Variants in RGCC observed in about 807,000 individuals in gnomAD.
RGCC encodes the protein regulator of cell cycle RGCC.
A neutral mutation model predicts 15.4 loss-of-function variants in RGCC; 15 were observed. The ratio of observed to expected loss-of-function variants is 0.97; its 90% confidence interval spans 0.65 to 1.50. RGCC has a LOEUF of 1.50. Among genes scored for constraint, RGCC ranks in the 40% most tolerant of loss-of-function variants. RGCC has a pLI of 0.00. For missense variants in RGCC, 176 were observed against 189.7 expected (o/e 0.93, Z 0.42); for synonymous variants, 81 against 78.0 (o/e 1.04, Z -0.20).
At position 41,457,876 on chromosome 13, in the gene RGCC, T is replaced by C; in HGVS notation, c.49+120T>C. On this transcript the variant is annotated intron_variant, in intron 1 of 4. Coordinates refer to ENST00000379359, the MANE Select transcript of RGCC (RefSeq NM_014059.3). The surrounding 1 kb of genome is among the most constrained non-coding windows in gnomAD (Gnocchi z 4.9). The stretch of plus-strand genomic sequence containing the variant: ...CCTTCCATCCTCCCCGGCGGGAACC[T>C]GTCCCCGGTCTTCCCGCGCGGGCGG... 1 of 1,307,038 alleles carries C rather than the reference T, an allele frequency of 7.7e-7. No homozygotes were observed. The highest frequency in any genetic ancestry group is 9.8e-7 in the Non-Finnish European group (1 of 1,016,802). 81.0% of individuals were successfully genotyped at this position (1,307,038 alleles called of 1,614,324 possible). A position where few individuals can be genotyped will look rare whatever the true frequency, so the allele number is the denominator to read the frequency against.
rs140678229 is a variant in RGCC, at chr13:41,464,612, G to A, written c.236-2211G>A. On this transcript the variant is annotated intron_variant, in intron 2 of 4. Transcript: ENST00000379359. ...GAAATGGGGCTGGTTTTGTTTAACCGCAAGTCTTTTCAGGATGTTGGAAGT... is the reference window on the plus strand; with the variant it reads ...GAAATGGGGCTGGTTTTGTTTAACCACAAGTCTTTTCAGGATGTTGGAAGT... Among the ~76,000 whole-genome samples the A allele has an allele frequency of 9.3e-3, 1,415 of 152,276 alleles. 14 individuals are homozygous for A. The highest frequency in any genetic ancestry group is 0.027 in the Middle Eastern group (8 of 294).
At chr13:41,461,857 A>G (rs1399380305) in intron 2 of RGCC, among the ~76,000 whole-genome samples, 1 of 152,248 alleles carries the variant, frequency 6.6e-6, no homozygotes, top group Non-Finnish European at 1.5e-5. Context: ...TGTTCAAGCC[A>G]TGAGAGAATA....
chr13:41,457,749 G>A lies in RGCC; in HGVS notation c.42G>A (p.Ala14=). 1 of 1,396,276 alleles carries A rather than the reference G, an allele frequency of 7.2e-7. No individual in the cohort carries two copies. Among genetic ancestry groups the A allele is most frequent in the Non-Finnish European group, 9.3e-7 (1 of 1,079,994 alleles). The allele number at this position is 1,396,276 out of a possible 1,614,324, so 86.5% of individuals were successfully genotyped here. A position where few individuals can be genotyped will look rare whatever the true frequency, so the allele number is the denominator to read the frequency against. The change falls in exon 1 of 5, where the codon GCG becomes GCA. Residue 14 remains alanine, a synonymous_variant. Transcript: ENST00000379359. This position sits in a 1 kb window ranked among gnomAD's most constrained non-coding sequence, Gnocchi z 4.9. The part of the protein sequence containing the change: ...PAAQGSPAAA[A]AAAPALDSAA... ...CGCAGGGCAGCCCCGCGGCCGCCGCGGCCGCAGGTGAGTGCGGGGTCCGGG... is the reference window on the plus strand; with the variant it reads ...CGCAGGGCAGCCCCGCGGCCGCCGCAGCCGCAGGTGAGTGCGGGGTCCGGG...
At chr13:41,469,870 A>G (rs983410493) in intron 4 of RGCC, among the ~76,000 whole-genome samples, 6 of 152,200 alleles carry the variant, frequency 3.9e-5, no homozygotes, top group African/African-American at 1.4e-4. Context: ...TTTCCAAAGG[A>G]TAAGATTGCA....
At chr13:41,462,235 C>T (rs1388618036) in intron 2 of RGCC, among the ~76,000 whole-genome samples, 1 of 152,158 alleles carries the variant, frequency 6.6e-6, no homozygotes, top group African/African-American at 2.4e-5. Flanking sequence ...TGTGGTTTTA[C>T]TTCCCCCTGG....
At chr13:41,463,414 G>A (rs2043831312) in intron 2 of RGCC, among the ~76,000 whole-genome samples, 1 of 148,498 alleles carries the variant, frequency 6.7e-6, no homozygotes, top group Admixed American at 6.9e-5. Context: ...ACACCTCACG[G>A]AAAGGGAGTG....
chr13:41,466,975 T>G (rs1398844756), intron 3 of RGCC, 45 bp downstream of exon 3: 2 of 1,182,296 alleles, frequency 1.7e-6, no homozygotes, highest in South Asian at 2.4e-5. Context: ...TTTTTATTCC[T>G]CTCTCCTTCT....
At chr13:41,465,431 G>T (rs1015324944) in intron 2 of RGCC, among the ~76,000 whole-genome samples, 1 of 152,202 alleles carries the variant, frequency 6.6e-6, no homozygotes, top group Non-Finnish European at 1.5e-5. Context: ...GGCCAACCGT[G>T]CGTTGGTTTC....
chr13:41,468,468 G>C (rs1342555694), intron 3 of RGCC, among the ~76,000 whole-genome samples: 1 of 152,202 alleles, frequency 6.6e-6, no homozygotes, highest in African/African-American at 2.4e-5. Context: ...CTAGGTGAGG[G>C]AGAAGTGGGG....
At chr13:41,463,242 G>A (rs1328682166) in intron 2 of RGCC, among the ~76,000 whole-genome samples, 2 of 152,084 alleles carry the variant, frequency 1.3e-5, no homozygotes, top group African/African-American at 2.4e-5. Flanking sequence ...TTGGGGCCTT[G>A]AGGGCTCTCT....
intron 4 of RGCC, among the ~76,000 whole-genome samples, chr13:41,469,280 TAATAATAATAATAATAAG>T (rs1267704600): frequency 8.9e-6 from 1 of 112,696 alleles, no homozygotes; most frequent in Non-Finnish European, 1.8e-5. Context: ...ATAATAATAA[TAATAATAATAATAATAAG>T]AAGAAGAAGA....
chr13:41,468,947 A>G, intron 4 of RGCC, 109 bp downstream of exon 4: 2 of 833,798 alleles, frequency 2.4e-6, no homozygotes, highest in East Asian at 2.6e-5. Context: ...GTTTCATCCT[A>G]AGCCTTCTAT....
intron 4 of RGCC, 144 bp downstream of exon 4, chr13:41,468,982 C>T (rs544264412): frequency 4.5e-5 from 28 of 620,090 alleles, no homozygotes; most frequent in African/African-American, 9.3e-5. Context: ...GACCCTAGGC[C>T]GGGGCAGTGG....
intron 4 of RGCC, among the ~76,000 whole-genome samples, chr13:41,469,295 T>TAATAATAAGAAGAAGAAGAAG (rs869157194): frequency 4.5e-4 from 39 of 86,738 alleles, no homozygotes; most frequent in African/African-American, 1.4e-3. Context: ...ATAATAATAA[T>TAATAATAAGAAGAAGAAGAAG]AAGAAGAAGA....
intron 2 of RGCC, among the ~76,000 whole-genome samples, chr13:41,461,808 C>T (rs1432721826): frequency 6.6e-6 from 1 of 152,208 alleles, no homozygotes; most frequent in Non-Finnish European, 1.5e-5. Context: ...TGACAGATGG[C>T]TTATGTGGCT....
intron 2 of RGCC, among the ~76,000 whole-genome samples, chr13:41,461,001 G>A (rs1274371970): frequency 2.0e-5 from 3 of 152,002 alleles, no homozygotes; most frequent in Admixed American, 2.0e-4. Flanking sequence ...TGCACCCAAA[G>A]GCAAAAAATA....
intron 4 of RGCC, among the ~76,000 whole-genome samples, chr13:41,469,283 TAATAATAATAATAAGAAGAAGAAGAAG>T (rs1387510331): frequency 2.6e-5 from 3 of 115,790 alleles, no homozygotes; most frequent in Non-Finnish European, 3.6e-5. Flanking sequence ...ATAATAATAA[TAATAATAATAATAAGAAGAAGAAGAAG>T]AAGAAGAAGA....
At chr13:41,462,241 C>T (rs2043825375) in intron 2 of RGCC, among the ~76,000 whole-genome samples, 1 of 152,018 alleles carries the variant, frequency 6.6e-6, no homozygotes, top group Non-Finnish European at 1.5e-5. Flanking sequence ...TTTACTTCCC[C>T]CTGGAGCAGC....
chr13:41,458,227 G>A lies in RGCC; in HGVS notation c.50-58G>A. On this transcript the variant is annotated intron_variant, in intron 1 of 4. Transcript: ENST00000379359. This position sits in a 1 kb window ranked among gnomAD's most constrained non-coding sequence, Gnocchi z 4.4. ...CCGTGGCGGCCCCTCCTGGCCCTGG[G>A]AGGTGGTCCCGCTGCCCCCCTGACT... is the stretch of plus-strand genomic sequence containing the variant. The A allele has an allele frequency of 7.1e-7, 1 of 1,407,938 alleles. No homozygotes were observed. The highest frequency in any genetic ancestry group is 1.4e-5 in the African/African-American group (1 of 70,270). 87.2% of individuals were successfully genotyped at this position (1,407,938 alleles called of 1,614,324 possible). A position where few individuals can be genotyped will look rare whatever the true frequency, so the allele number is the denominator to read the frequency against.
Sources: gnomAD v4.1 joint callset for allele counts (sites outside exome capture counted in the v4.1 genomes callset) on GRCh38, gnomAD v4.1.1 for gene constraint, Gnocchi (gnomAD v3.1) non-coding constraint, MANE v1.5 for transcripts, NCBI Gene and HGNC (gene_info 2026-07-23, HGNC 2026-07-21) for gene names.